The following TAFA4 variants were observed in gnomAD, a reference collection of about 807,000 sequenced individuals.
TAFA4 encodes TAFA chemokine like family member 4, also known as chemokine-like protein TAFA-4.
In TAFA4, 20 loss-of-function variants were observed where a neutral mutation model predicts 21.1. The ratio of observed to expected loss-of-function variants is 0.95; its 90% CI spans 0.67 to 1.38. The LOEUF is 1.38. TAFA4 is among the 40% of genes most tolerant of loss of function. The probability of loss-of-function intolerance (pLI) is 0.00; values close to 1 mark genes in which losing one functional copy is unlikely to be tolerated. For synonymous variants in TAFA4, 71 were observed against 67.4 expected (o/e 1.05, Z -0.26); for missense variants, 211 against 180.9 (o/e 1.17, Z -0.95).
intron 3 of TAFA4, among the ~76,000 whole-genome samples, chr3:68,857,310 T>C (rs1446290927): frequency 6.6e-6 from 1 of 152,168 alleles, no homozygotes; most frequent in Non-Finnish European, 1.5e-5. Context: ...TAAGGGACTA[T>C]CATGGCCTGC....
intron 4 of TAFA4, among the ~76,000 whole-genome samples, chr3:68,751,216 G>A (rs758651602): frequency 1.6e-4 from 24 of 152,142 alleles, no homozygotes; most frequent in Non-Finnish European, 3.2e-4. Context: ...TGCAGGGCTC[G>A]GCAAGCCATG....
intron 1 of TAFA4, among the ~76,000 whole-genome samples, chr3:68,922,655 G>C (rs1465615157): frequency 6.6e-6 from 1 of 152,198 alleles, no homozygotes; most frequent in African/African-American, 2.4e-5. Flanking sequence ...GGGATCCTGA[G>C]TCTTTTGTAG....
intron 4 of TAFA4, among the ~76,000 whole-genome samples, chr3:68,747,521 C>T (rs1344716652): frequency 6.6e-6 from 1 of 152,202 alleles, no homozygotes; most frequent in African/African-American, 2.4e-5. Flanking sequence ...CTTCACCTTA[C>T]ACCACGATGG....
intron 1 of TAFA4, among the ~76,000 whole-genome samples, chr3:68,917,752 T>C (rs1361485192): frequency 1.2e-4 from 7 of 56,226 alleles, no homozygotes; most frequent in Non-Finnish European, 1.9e-4. Flanking sequence ...AGACTCTGTC[T>C]CAAAAAAAAA....
rs552357847 is a variant in TAFA4, at chr3:68,740,109, C to T, written c.287-910G>A. 4.8e-4 allele frequency among the ~76,000 whole-genome samples: 73 copies of T among 152,302 alleles called. No individual in the cohort carries two copies. The Middle Eastern group carries it at 0.017, about 35-fold the overall frequency. Reference sequence around the variant, plus strand: ...CCATTGTCTAGATTACACTAGTTCTCGGACTTCTCTTAGTGTCAGTTTCTT... The same window carrying T: ...CCATTGTCTAGATTACACTAGTTCTTGGACTTCTCTTAGTGTCAGTTTCTT... On this transcript the variant is annotated intron_variant, in intron 4 of 5. Transcript: ENST00000295569.
intron 1 of TAFA4, among the ~76,000 whole-genome samples, chr3:68,895,666 A>G (rs771513433): frequency 2.6e-5 from 4 of 152,196 alleles, no homozygotes; most frequent in Non-Finnish European, 4.4e-5. Context: ...TCTGTGTTCA[A>G]TGGGTCACCT....
intron 3 of TAFA4, among the ~76,000 whole-genome samples, chr3:68,755,321 G>T (rs1314572432): frequency 1.3e-5 from 2 of 152,218 alleles, no homozygotes; most frequent in Non-Finnish European, 2.9e-5. Context: ...TTAATGCAAA[G>T]AAACTTTACT....
intron 3 of TAFA4, among the ~76,000 whole-genome samples, chr3:68,788,593 T>C (rs1053203763): frequency 2.6e-5 from 4 of 152,128 alleles, no homozygotes; most frequent in African/African-American, 9.7e-5. Flanking sequence ...AGGAGTTTTA[T>C]AGTTTTAGGC....
chr3:68,799,928 A>G (rs1320606583), intron 3 of TAFA4, among the ~76,000 whole-genome samples: 1 of 152,098 alleles, frequency 6.6e-6, no homozygotes, highest in Non-Finnish European at 1.5e-5. Flanking sequence ...GAGCAGCAGC[A>G]TTAGATTCTC....
intron 4 of TAFA4, among the ~76,000 whole-genome samples, chr3:68,746,555 T>C (rs1207541836): frequency 2.6e-5 from 4 of 152,226 alleles, no homozygotes; most frequent in African/African-American, 7.2e-5. Flanking sequence ...GATTCTGTGT[T>C]CTTTAAAAAT....
At chr3:68,809,676 G>A (rs1394374229) in intron 3 of TAFA4, among the ~76,000 whole-genome samples, 1 of 151,394 alleles carries the variant, frequency 6.6e-6, no homozygotes, top group Non-Finnish European at 1.5e-5. Flanking sequence ...TTTTCTTCTA[G>A]CAGTTTTATG....
chr3:68,741,791 CAAAAAAAAATAA>C (rs1413822257), intron 4 of TAFA4, among the ~76,000 whole-genome samples: 1 of 148,968 alleles, frequency 6.7e-6, no homozygotes, highest in Non-Finnish European at 1.5e-5. Context: ...GACTCCATCT[CAAAAAAAAATAA>C]AAATAAAAAT....
At chr3:68,900,283 C>CAATAATAAT (rs60973878) in intron 1 of TAFA4, among the ~76,000 whole-genome samples, 2 of 120,686 alleles carry the variant, frequency 1.7e-5, no homozygotes, top group African/African-American at 6.2e-5. Flanking sequence ...ATAATAATAA[C>CAATAATAAT]AATAATAATA....
chr3:68,821,790 T>C (rs1261691726), intron 3 of TAFA4, among the ~76,000 whole-genome samples: 1 of 152,188 alleles, frequency 6.6e-6, no homozygotes, highest in Non-Finnish European at 1.5e-5. Flanking sequence ...TTCAGGTGTT[T>C]TACCCTTATG....
chr3:68,777,742 C>T (rs1703074365), intron 3 of TAFA4, among the ~76,000 whole-genome samples: 4 of 152,106 alleles, frequency 2.6e-5, no homozygotes. Flanking sequence ...CTGTCGATGA[C>T]AGACGACATA....
rs188255492 is a variant in TAFA4, at chr3:68,810,576, T to G, written c.131-57558A>C. ...ATGCCCACAGAGCCTCACTCATTGC[T>G]AGCACAGCAGTCTGAGATCAAACTG... On this transcript the variant is annotated intron_variant, in intron 3 of 5. Coordinates refer to ENST00000295569, the MANE Select transcript of TAFA4 (RefSeq NM_182522.5). Among the ~76,000 whole-genome samples the G allele has an allele frequency of 1.3e-3, 191 of 152,258 alleles. 2 individuals carry two copies. The highest frequency in any genetic ancestry group is 4.5e-3 in the African/African-American group (188 of 41,560).
In TAFA4 at chr3:68,732,091, C is replaced by T. The variant is rs141822708; in HGVS notation, c.*1051G>A. 3.6e-4 allele frequency: 55 copies of T among 152,660 alleles called. No individual in the cohort carries two copies. In the Middle Eastern group the frequency reaches 0.017, roughly 47 times the overall value. The allele number at this position is 152,660 out of a possible 1,614,324, so 9.5% of individuals were successfully genotyped here. ...TCTTCATCTGTTTCATACGTTTCCG[C>T]ATGACAGCATTTGAGAATATGTGGA... is the stretch of plus-strand genomic sequence containing the variant. On this transcript the variant is annotated 3_prime_UTR_variant, in exon 6 of 6. Coordinates refer to ENST00000295569, the MANE Select transcript of TAFA4 (RefSeq NM_182522.5).
At chr3:68,798,549 G>A (rs924426210) in intron 3 of TAFA4, among the ~76,000 whole-genome samples, 2 of 152,294 alleles carry the variant, frequency 1.3e-5, no homozygotes, top group East Asian at 3.9e-4. Context: ...TGAACATTTA[G>A]TTGCATTCAA....
intron 3 of TAFA4, among the ~76,000 whole-genome samples, chr3:68,864,531 AAC>A (rs1359883710): frequency 6.6e-6 from 1 of 152,152 alleles, no homozygotes; most frequent in Admixed American, 6.6e-5. Flanking sequence ...AAAAATGTTT[AAC>A]AGTTTCTTAA....
Sources: gnomAD v4.1 joint callset for allele counts (sites outside exome capture counted in the v4.1 genomes callset) on GRCh38, gnomAD v4.1.1 for gene constraint, MANE v1.5 for transcripts, NCBI Gene and HGNC (gene_info 2026-07-23, HGNC 2026-07-21) for gene names.